The following MRPS9 variants were observed in gnomAD, a reference collection of about 807,000 sequenced individuals.
MRPS9 encodes the protein small ribosomal subunit protein uS9m.
In MRPS9, 45 loss-of-function variants were observed where a neutral mutation model predicts 59.9. The observed-to-expected ratio is 0.75, with a 90% confidence interval of 0.59 to 0.96. The LOEUF is 0.96. MRPS9 is among the 40% of genes least tolerant of loss of function. The probability of loss-of-function intolerance (pLI) is 0.00; values close to 1 mark genes in which losing one functional copy is unlikely to be tolerated. For synonymous variants in MRPS9, 171 were observed against 166.8 expected (o/e 1.03, Z -0.19); for missense variants, 473 against 481.1 (o/e 0.98, Z 0.16).
intron 7 of MRPS9, chr2:105,091,409 G>C (rs1239717965): frequency 2.1e-6 from 1 of 470,974 alleles, no homozygotes; most frequent in African/African-American, 2.0e-5. Context: ...GAGGAGCATG[G>C]AGCTCTGCCC....
rs141300636 is a variant in MRPS9, at chr2:105,091,619, G to A, written c.652-782G>A. Among the ~76,000 whole-genome samples the A allele has an allele frequency of 4.6e-3, 706 of 152,014 alleles. 8 individuals carry two copies. Among genetic ancestry groups the A allele is most frequent in the African/African-American group, 0.016 (659 of 41,470 alleles). ...AAAGATGAGTGTGATGTTTAACGCC[G>A]ACAAAAAACATAAATAAGGTTATAA... is the stretch of plus-strand genomic sequence containing the variant. On this transcript the variant is annotated intron_variant, in intron 7 of 10. Transcript: ENST00000258455.
intron 2 of MRPS9, among the ~76,000 whole-genome samples, chr2:105,052,042 A>C (rs1227652630): frequency 1.3e-5 from 2 of 152,214 alleles, no homozygotes; most frequent in Non-Finnish European, 2.9e-5. Flanking sequence ...AAAAACTACA[A>C]GAATTAGTAG....
At chr2:105,054,054 T>G (rs746893928) in intron 2 of MRPS9, among the ~76,000 whole-genome samples, 3 of 152,200 alleles carry the variant, frequency 2.0e-5, no homozygotes, top group Non-Finnish European at 4.4e-5. Context: ...TGAAATGATC[T>G]TGTAGAAAAA....
At chr2:105,045,468 T>C (rs893893453) in intron 1 of MRPS9, among the ~76,000 whole-genome samples, 5 of 151,962 alleles carry the variant, frequency 3.3e-5, no homozygotes, top group African/African-American at 1.2e-4. Flanking sequence ...TATTCTCATC[T>C]ACTAAAATCT....
chr2:105,041,912 G>C (rs1376415577), intron 1 of MRPS9, among the ~76,000 whole-genome samples: 1 of 151,982 alleles, frequency 6.6e-6, no homozygotes, highest in Admixed American at 6.6e-5. Flanking sequence ...GTCTTTATTT[G>C]GCAATTTATA....
chr2:105,043,704 G>A (rs1272522908), intron 1 of MRPS9, among the ~76,000 whole-genome samples: 2 of 151,758 alleles, frequency 1.3e-5, no homozygotes, highest in African/African-American at 2.4e-5. Context: ...GTGCAATCTC[G>A]GCTCACTGCA....
chr2:105,058,678 CTTTT>C (rs748204542), intron 2 of MRPS9, among the ~76,000 whole-genome samples: 1 of 142,190 alleles, frequency 7.0e-6, no homozygotes, highest in East Asian at 2.0e-4. Context: ...TAATGAGTTT[CTTTT>C]TTTTTTTTTT....
chr2:105,058,723 AACAGATC>A (rs1250721196), intron 2 of MRPS9, among the ~76,000 whole-genome samples: 32,846 of 149,794 alleles, frequency 0.22, 3,712 homozygotes, highest in Middle Eastern at 0.35. Context: ...TTGCCCAGGC[AACAGATC>A]GTGCAGTGGC....
chr2:105,076,959 CATCTT>C (rs1388732739), intron 4 of MRPS9, among the ~76,000 whole-genome samples: 1 of 152,106 alleles, frequency 6.6e-6, no homozygotes, highest in African/African-American at 2.4e-5. Flanking sequence ...TCAGAAATAA[CATCTT>C]ATGGATGGGC....
chr2:105,045,907 C>T (rs1441140410), intron 1 of MRPS9, among the ~76,000 whole-genome samples: 1 of 152,030 alleles, frequency 6.6e-6, no homozygotes, highest in East Asian at 1.9e-4. Flanking sequence ...CTCTGTTGCC[C>T]AGGCTGGAGT....
intron 2 of MRPS9, among the ~76,000 whole-genome samples, chr2:105,067,051 C>G (rs1444478982): frequency 6.6e-6 from 1 of 152,110 alleles, no homozygotes; most frequent in Non-Finnish European, 1.5e-5. Context: ...ATATGTAAAA[C>G]ATTTTTTATT....
chr2:105,094,078 G>A (rs1305519273), intron 9 of MRPS9, among the ~76,000 whole-genome samples: 3 of 152,134 alleles, frequency 2.0e-5, no homozygotes, highest in Non-Finnish European at 4.4e-5. Context: ...GTAATTTCTT[G>A]TGGCTTGTGT....
At chr2:105,084,247 A>ATATATATATATATATATATATATATATAT (rs1680403807) in intron 5 of MRPS9, among the ~76,000 whole-genome samples, 2 of 139,592 alleles carry the variant, frequency 1.4e-5, no homozygotes, top group African/African-American at 5.2e-5. Context: ...TATATACCAA[A>ATATATATATATATATATATATATATATAT]ATATATATAT....
chr2:105,067,774 G>T (rs1355560996), intron 2 of MRPS9, among the ~76,000 whole-genome samples: 5 of 152,168 alleles, frequency 3.3e-5, no homozygotes, highest in African/African-American at 1.2e-4. Context: ...ATGTGTGCGT[G>T]TGCATGCACA....
chr2:105,069,061 G>T (rs1331816908), intron 2 of MRPS9, among the ~76,000 whole-genome samples: 1 of 152,096 alleles, frequency 6.6e-6, no homozygotes, highest in African/African-American at 2.4e-5. Flanking sequence ...AGGTGGCAGG[G>T]TGTTTTTTTA....
chr2:105,081,926 C>T (rs1231060898), intron 5 of MRPS9, among the ~76,000 whole-genome samples: 2 of 152,190 alleles, frequency 1.3e-5, no homozygotes, highest in African/African-American at 4.8e-5. Flanking sequence ...CCAGATAACA[C>T]ATATCACGAT....
At chr2:105,060,539 C>G (rs1298597414) in intron 2 of MRPS9, among the ~76,000 whole-genome samples, 2 of 152,068 alleles carry the variant, frequency 1.3e-5, no homozygotes, top group Non-Finnish European at 2.9e-5. Context: ...CCTTGGCCTC[C>G]CAAAGTGCTG....
At chr2:105,085,383 C>T (rs1218531242) in intron 5 of MRPS9, among the ~76,000 whole-genome samples, 1 of 152,076 alleles carries the variant, frequency 6.6e-6, no homozygotes, top group African/African-American at 2.4e-5. Context: ...TTACTATTAC[C>T]ATACTAGTAT....
chr2:105,067,554 C>A (rs187883450), intron 2 of MRPS9, among the ~76,000 whole-genome samples: 1 of 152,028 alleles, frequency 6.6e-6, no homozygotes, highest in Non-Finnish European at 1.5e-5. Flanking sequence ...TGAGTTCATG[C>A]GAATTTTCCA....
Sources: gnomAD v4.1 joint callset for allele counts (sites outside exome capture counted in the v4.1 genomes callset) on GRCh38, gnomAD v4.1.1 for gene constraint, MANE v1.5 for transcripts, NCBI Gene and HGNC (gene_info 2026-07-23, HGNC 2026-07-21) for gene names.